RYR3: variants seen among roughly 807,000 people sequenced by gnomAD.
RYR3 encodes the protein ryanodine receptor 3.
In RYR3, 207 loss-of-function variants were observed where a neutral mutation model predicts 584.3. The ratio of observed to expected loss-of-function variants is 0.35; its 90% CI spans 0.32 to 0.40. RYR3 has a LOEUF of 0.40. RYR3 is among the 10% of genes least tolerant of loss of function. The pLI, the probability that RYR3 is intolerant of heterozygous loss-of-function variation, is 1.00. For synonymous variants in RYR3, 2,416 were observed against 2,248.5 expected (o/e 1.07, Z -2.11); for missense variants, 5,616 against 6,089.2 (o/e 0.92, Z 2.59).
In RYR3 at chr15:33,772,049, G is replaced by C. The variant is rs778149517; in HGVS notation, c.8946G>C (p.Gln2982His). Residue 2982 changes from glutamine to histidine, a missense_variant, in exon 63 of 104, where the codon CAG (glutamine) becomes CAC (histidine). Physicochemically the swap from Gln to His is conservative, Grantham distance 24 (BLOSUM62 0). This residue lies in a region of RYR3 where 954 missense variants were observed against 1,132.2 expected (regional missense o/e 0.84). Coordinates refer to ENST00000634891, the MANE Select transcript of RYR3 (RefSeq NM_001036.6). ...KLGKFTHSRT[Q>H]IKGVSQNINY... ...GGAAGTTCACCCATTCCCGAACGCA[G>C]ATTAAAGGCGTTTCTCAGAATATTA... is the stretch of plus-strand genomic sequence containing the variant. 27 of 1,613,740 alleles carry C rather than the reference G, an allele frequency of 1.7e-5. No homozygotes were observed. The highest frequency in any genetic ancestry group is 2.2e-5 in the Non-Finnish European group (26 of 1,179,788).
intron 38 of RYR3, among the ~76,000 whole-genome samples, chr15:33,687,183 A>C (rs906644908): frequency 6.6e-6 from 1 of 152,254 alleles, no homozygotes; most frequent in African/African-American, 2.4e-5. Flanking sequence ...ATCTCAGCCC[A>C]AAATCTCCTT....
At chr15:33,346,459 G>A (rs1327706309) in intron 1 of RYR3, among the ~76,000 whole-genome samples, 1 of 152,200 alleles carries the variant, frequency 6.6e-6, no homozygotes, top group Non-Finnish European at 1.5e-5. Flanking sequence ...AACCCATGCA[G>A]CTGCAAGAGC....
intron 1 of RYR3, among the ~76,000 whole-genome samples, chr15:33,469,246 T>G (rs1276802266): frequency 6.6e-6 from 1 of 152,074 alleles, no homozygotes. Flanking sequence ...TAGGGCAGCT[T>G]TTCAGAGATT....
chr15:33,658,391 G>T (rs901840644), intron 32 of RYR3, among the ~76,000 whole-genome samples: 2 of 152,126 alleles, frequency 1.3e-5, no homozygotes, highest in African/African-American at 4.8e-5. Flanking sequence ...ACATCTCCAA[G>T]GTCATCTGGA....
intron 36 of RYR3, among the ~76,000 whole-genome samples, chr15:33,667,872 G>A (rs1414587344): frequency 6.6e-6 from 1 of 151,924 alleles, no homozygotes; most frequent in Non-Finnish European, 1.5e-5. Context: ...GATCAGCCTG[G>A]CCAACATGGT....
chr15:33,568,474 T>C (rs1259271874), intron 12 of RYR3, among the ~76,000 whole-genome samples: 1 of 151,822 alleles, frequency 6.6e-6, no homozygotes, highest in Non-Finnish European at 1.5e-5. Flanking sequence ...CTTTATTTTT[T>C]GTTTTTTTTT....
chr15:33,502,831 T>C (rs1385108532), intron 2 of RYR3, among the ~76,000 whole-genome samples: 1 of 152,220 alleles, frequency 6.6e-6, no homozygotes, highest in Non-Finnish European at 1.5e-5. Context: ...TGCCTTCGTT[T>C]CCTTGGCTAG....
chr15:33,336,002 A>T (rs922116066), intron 1 of RYR3, among the ~76,000 whole-genome samples: 1 of 152,198 alleles, frequency 6.6e-6, no homozygotes, highest in Non-Finnish European at 1.5e-5. Context: ...AAAAGAAAAG[A>T]TTTCATAAAA....
At chr15:33,658,758 G>A (rs988893102) in intron 32 of RYR3, among the ~76,000 whole-genome samples, 4 of 152,186 alleles carry the variant, frequency 2.6e-5, no homozygotes, top group Non-Finnish European at 4.4e-5. Flanking sequence ...CTCCATCAAA[G>A]GGAGCAAGTA....
chr15:33,548,241 C>G (rs1201009888), intron 9 of RYR3, 37 bp downstream of exon 9: 1 of 1,345,620 alleles, frequency 7.4e-7, no homozygotes, highest in Non-Finnish European at 1.0e-6. Flanking sequence ...TTCAAGATTA[C>G]TTTCTTTTTC....
At chr15:33,850,257 T>G (rs1185449404) in intron 94 of RYR3, 1 of 152,138 alleles carries the variant, frequency 6.6e-6, no homozygotes, top group Non-Finnish European at 1.5e-5. Context: ...GGTGGGCGCC[T>G]GTAATCCCAG....
intron 2 of RYR3, among the ~76,000 whole-genome samples, chr15:33,488,648 C>G (rs377203086): frequency 5.5e-4 from 83 of 152,102 alleles, no homozygotes; most frequent in Admixed American, 1.1e-3. Flanking sequence ...GTCAGGAGAT[C>G]GAGACCATCC....
At chr15:33,858,193 G>C (rs2079912509) in intron 99 of RYR3, 1 of 364,308 alleles carries the variant, frequency 2.7e-6, no homozygotes, top group African/African-American at 2.0e-5. Context: ...TATTTCCGGG[G>C]TAAAGATGAG....
chr15:33,851,464 C>G (rs996857736), intron 94 of RYR3: 1 of 152,112 alleles, frequency 6.6e-6, no homozygotes, highest in African/African-American at 2.4e-5. Flanking sequence ...TACTTTTTCC[C>G]TGAACATTCA....
At chr15:33,694,065 G>C (rs2065646010) in intron 38 of RYR3, among the ~76,000 whole-genome samples, 1 of 152,114 alleles carries the variant, frequency 6.6e-6, no homozygotes, top group South Asian at 2.1e-4. Context: ...GACCAGCAGA[G>C]TAGACAGACA....
intron 1 of RYR3, among the ~76,000 whole-genome samples, chr15:33,345,466 C>A (rs1471683945): frequency 1.3e-5 from 2 of 152,120 alleles, no homozygotes; most frequent in African/African-American, 4.8e-5. Context: ...CTCTTAGGTT[C>A]CTTACCGCTC....
intron 16 of RYR3, among the ~76,000 whole-genome samples, chr15:33,597,031 G>T (rs34955149): frequency 0.14 from 21,782 of 152,130 alleles, 1,620 homozygotes; most frequent in Middle Eastern, 0.19. Flanking sequence ...ACTGCCTAAA[G>T]CCACCGGATT....
At chr15:33,849,479 C>G (rs2078950119) in intron 94 of RYR3, 1 of 152,216 alleles carries the variant, frequency 6.6e-6, no homozygotes, top group African/African-American at 2.4e-5. Flanking sequence ...TGGCAAATGC[C>G]TGGCACGTGG....
intron 1 of RYR3, among the ~76,000 whole-genome samples, chr15:33,467,662 C>T (rs947516247): frequency 3.3e-5 from 5 of 152,208 alleles, no homozygotes; most frequent in Admixed American, 2.0e-4. Flanking sequence ...CAGGGACAAT[C>T]ACTCAACACC....
Sources: allele counts gnomAD v4.1 joint callset (sites outside exome capture counted in the v4.1 genomes callset), GRCh38; gene constraint gnomAD v4.1.1; regional missense constraint gnomAD v4.1.1; transcripts MANE v1.5; gene names NCBI Gene and HGNC (gene_info 2026-07-23, HGNC 2026-07-21).